ZC3H12B: variants seen among roughly 807,000 people sequenced by gnomAD.
ZC3H12B encodes the protein zinc finger CCCH-type containing 12B.
ZC3H12B carries 7 observed loss-of-function variants against 43.9 expected under a neutral mutation model. The observed-to-expected ratio is 0.16, with a 90% CI of 0.09 to 0.30. The LOEUF (loss-of-function observed/expected upper bound fraction) is 0.30. Among genes scored for constraint, ZC3H12B ranks in the 10% least tolerant of loss-of-function variants. The pLI is 1.00. For synonymous variants in ZC3H12B, 222 were observed against 241.7 expected, an observed-to-expected ratio of 0.92 and a Z score of 0.76; for missense variants, 475 against 670.2, an observed-to-expected ratio of 0.71 and a Z score of 3.22.
chrX:65,156,240 G>A, the ZC3H12B span, among the ~76,000 whole-genome samples: 4 of 110,734 alleles, frequency 3.6e-5, no homozygotes, highest in Admixed American at 9.7e-5. Context: ...CACCCAGGCT[G>A]GAGTGGCTGA....
At chrX:65,305,280 T>C in the ZC3H12B span, among the ~76,000 whole-genome samples, 2 of 111,505 alleles carry the variant, frequency 1.8e-5, no homozygotes, top group African/African-American at 6.5e-5. Flanking sequence ...GAGCAGGGCT[T>C]GAACTCCAGG....
At chrX:65,442,239 C>T (rs986808359) in intron 3 of ZC3H12B, among the ~76,000 whole-genome samples, 8 of 109,568 alleles carry the variant, frequency 7.3e-5, no homozygotes, top group Non-Finnish European at 1.1e-4. Flanking sequence ...TCTGATAGGT[C>T]GCAGAGCAGC....
At chrX:65,098,343 A>T in the ZC3H12B span, among the ~76,000 whole-genome samples, 14 of 110,908 alleles carry the variant, frequency 1.3e-4, no homozygotes, top group Admixed American at 2.9e-4. Flanking sequence ...AGTAATTTGA[A>T]CACAGAAAGT....
the ZC3H12B span, among the ~76,000 whole-genome samples, chrX:65,054,785 C>T: frequency 9.0e-6 from 1 of 111,178 alleles, no homozygotes; most frequent in Non-Finnish European, 1.9e-5. Context: ...AGTAGTTCTC[C>T]TTGAAGAAGT....
At chrX:65,252,176 T>G in the ZC3H12B span, among the ~76,000 whole-genome samples, 1 of 112,076 alleles carries the variant, frequency 8.9e-6, no homozygotes, top group South Asian at 3.7e-4. Context: ...AGGCCTTTTC[T>G]GCATCTATTG....
At chrX:65,240,111 T>A in the ZC3H12B span, among the ~76,000 whole-genome samples, 1 of 111,657 alleles carries the variant, frequency 9.0e-6, no homozygotes, top group Non-Finnish European at 1.9e-5. Context: ...TAAATTTGAA[T>A]GTTGGCACCT....
chrX:65,152,268 A>G, the ZC3H12B span, among the ~76,000 whole-genome samples: 5 of 111,758 alleles, frequency 4.5e-5, no homozygotes, highest in Non-Finnish European at 9.4e-5. Context: ...AGGGTATTCA[A>G]CTAGGAAAAG....
Position 65,474,126 on chromosome X carries a change from G to T in ZC3H12B, n.408-14520G>T, listed in dbSNP as rs188115899. On this transcript the variant is annotated intron_variant and non_coding_transcript_variant, in intron 3 of 5. Coordinates refer to the ZC3H12B transcript ENST00000617377. Reference sequence around the variant, plus strand: ...TCTGTCTTCAGATCTGTTGATATTTGCTTTATATATTTAGGTTCTCAGATG... The same window carrying T: ...TCTGTCTTCAGATCTGTTGATATTTTCTTTATATATTTAGGTTCTCAGATG... 3.1e-3 allele frequency among the ~76,000 whole-genome samples: 348 copies of T among 111,629 alleles called. 2 individuals carry two copies. Among genetic ancestry groups the T allele is most frequent in the South Asian group, 0.025 (68 of 2,718 alleles).
chrX:65,422,963 C>T (rs1400760944), intron 3 of ZC3H12B, among the ~76,000 whole-genome samples: 1 of 65,343 alleles, frequency 1.5e-5, no homozygotes, highest in African/African-American at 6.7e-5. Flanking sequence ...GATGGATTCT[C>T]ACTGTGTTGC....
intron 3 of ZC3H12B, among the ~76,000 whole-genome samples, chrX:65,422,542 T>A (rs1175447136): frequency 8.9e-6 from 1 of 111,850 alleles, no homozygotes; most frequent in Non-Finnish European, 1.9e-5. Context: ...TGTTTTATTT[T>A]TTTTTTTATT....
At chrX:65,376,290 A>T (rs2066344952) in intron 2 of ZC3H12B, among the ~76,000 whole-genome samples, 1 of 111,346 alleles carries the variant, frequency 9.0e-6, no homozygotes. Flanking sequence ...AAGGTTTTTG[A>T]CTCTAGTCTT....
At chrX:65,494,521 G>A (rs993896216) in intron 1 of ZC3H12B, among the ~76,000 whole-genome samples, 5 of 111,251 alleles carry the variant, frequency 4.5e-5, no homozygotes, top group African/African-American at 1.3e-4. Flanking sequence ...GGTGGCTCAC[G>A]CCTGTAATCC....
At chrX:65,327,086 A>G in the ZC3H12B span, among the ~76,000 whole-genome samples, 11 of 111,547 alleles carry the variant, frequency 9.9e-5, no homozygotes, top group Admixed American at 1.9e-4. Context: ...GAAGCTAAAA[A>G]TAAAATTACT....
chrX:65,149,806 T>G, the ZC3H12B span, among the ~76,000 whole-genome samples: 1 of 92,036 alleles, frequency 1.1e-5, no homozygotes, highest in Non-Finnish European at 2.0e-5. Context: ...ATAATAATAA[T>G]AATAATAATA....
the ZC3H12B span, among the ~76,000 whole-genome samples, chrX:65,335,419 A>C: frequency 8.9e-6 from 1 of 112,113 alleles, no homozygotes; most frequent in Non-Finnish European, 1.9e-5. Context: ...GCTTTACCAA[A>C]GTTAACCTCT....
At chrX:65,490,379 G>GA (rs1032989325) in intron 1 of ZC3H12B, among the ~76,000 whole-genome samples, 3,125 of 54,913 alleles carry the variant, frequency 0.057, 257 homozygotes, top group African/African-American at 0.19. Flanking sequence ...ACTGTTTCAG[G>GA]AAAAAAAAAA....
At chrX:65,129,257 GTATATATATATA>G in the ZC3H12B span, among the ~76,000 whole-genome samples, 1 of 86,004 alleles carries the variant, frequency 1.2e-5, no homozygotes, top group South Asian at 4.5e-4. Context: ...GTGTATATAT[GTATATATATATA>G]TATACATATA....
At chrX:65,285,663 G>A in the ZC3H12B span, among the ~76,000 whole-genome samples, 1 of 111,495 alleles carries the variant, frequency 9.0e-6, no homozygotes, top group Non-Finnish European at 1.9e-5. Context: ...AATGCTGAGC[G>A]AATTTGTTAC....
the ZC3H12B span, among the ~76,000 whole-genome samples, chrX:65,052,621 T>C: frequency 9.0e-6 from 1 of 111,533 alleles, no homozygotes; most frequent in Admixed American, 9.5e-5. Flanking sequence ...TCATTCTTTT[T>C]TGTGGTTGAG....
Sources: gnomAD v4.1 joint callset for allele counts (sites outside exome capture counted in the v4.1 genomes callset) on GRCh38, gnomAD v4.1.1 for gene constraint, MANE v1.5 for transcripts, NCBI Gene and HGNC (gene_info 2026-07-23, HGNC 2026-07-21) for gene names.